KCNQ1OT1: variants seen among roughly 807,000 people sequenced by gnomAD.
The protein encoded by KCNQ1OT1 is KCNQ1 opposite strand/antisense transcript 1.
At chr11:2,689,464 CT>C (rs1850552721) in exon 1 of KCNQ1OT1, 1 of 398,586 alleles carries the variant, frequency 2.5e-6, no homozygotes, top group South Asian at 1.3e-4. Flanking sequence ...CCAGAGACCT[CT>C]GCTCTGCCTA....
Position 2,611,890 on chromosome 11 carries a change from G to A in KCNQ1OT1, n.88105C>T. ...TTCCCCCATTTTTAAAGTGTAATCT[G>A]GAGGTTACAATAAGCAGCTTAAGCA... On this transcript the variant is annotated non_coding_transcript_exon_variant, in exon 1 of 1. Coordinates refer to ENST00000597346, the Ensembl canonical transcript of KCNQ1OT1. The surrounding 1 kb of genome is among the most constrained non-coding windows in gnomAD (Gnocchi z 5.3). 2.5e-6 allele frequency: 1 copy of A among 398,414 alleles called. No homozygotes were observed. The highest frequency in any genetic ancestry group is 6.3e-4 in the Middle Eastern group (1 of 1,588). 24.7% of individuals were successfully genotyped at this position (398,414 alleles called of 1,614,324 possible).
rs2133847147 is a variant in KCNQ1OT1 at position 2,654,623 on chromosome 11, G to A, written n.45372C>T. ...TGGTTGGGTGAAGTTACTAGGAAGG[G>A]CCCAGACACTGGCGAGAGTCTCTTG... is the stretch of plus-strand genomic sequence containing the variant. On this transcript the variant is annotated non_coding_transcript_exon_variant, in exon 1 of 1. Transcript: ENST00000597346. The surrounding 1 kb of genome is among the most constrained non-coding windows in gnomAD (Gnocchi z 6.4). The A allele has an allele frequency of 2.5e-6, 1 of 398,790 alleles. No individual in the cohort carries two copies. Among genetic ancestry groups the A allele is most frequent in the Non-Finnish European group, 4.4e-6 (1 of 226,246 alleles). The allele number at this position is 398,790 out of a possible 1,614,324, so 24.7% of individuals were successfully genotyped here.
chr11:2,660,872 G>A (rs1010363241), exon 1 of KCNQ1OT1: 1 of 398,454 alleles, frequency 2.5e-6, no homozygotes, highest in Non-Finnish European at 4.4e-6. Context: ...GAATAAAGAT[G>A]AATATGGCAT....
At position 2,691,997 on chromosome 11, in the gene KCNQ1OT1, T is replaced by A. The variant is rs1350712588; in HGVS notation, n.7998A>T. ...CAAACCATTTCCCTAAGCTGTTCCC[T>A]CAGCACCAAGGGCTTCCAGACCACC... On this transcript the variant is annotated non_coding_transcript_exon_variant, in exon 1 of 1. Transcript: ENST00000597346. This position sits in a 1 kb window ranked among gnomAD's most constrained non-coding sequence, Gnocchi z 6.4. 1.0e-5 allele frequency: 4 copies of A among 398,494 alleles called. No homozygotes were observed. The highest frequency in any genetic ancestry group is 4.4e-6 in the Non-Finnish European group (1 of 226,086). 24.7% of individuals were successfully genotyped at this position (398,494 alleles called of 1,614,324 possible).
Position 2,676,718 on chromosome 11 carries a change from C to A in KCNQ1OT1, n.23277G>T. The A allele has an allele frequency of 2.5e-6, 1 of 398,664 alleles. No individual in the cohort carries two copies. The highest frequency in any genetic ancestry group is 1.3e-4 in the South Asian group (1 of 7,852). The allele number at this position is 398,664 out of a possible 1,614,324, so 24.7% of individuals were successfully genotyped here. A position where few individuals can be genotyped will look rare whatever the true frequency, so the allele number is the denominator to read the frequency against. On this transcript the variant is annotated non_coding_transcript_exon_variant, in exon 1 of 1. Coordinates refer to ENST00000597346, the Ensembl canonical transcript of KCNQ1OT1. The surrounding 1 kb of genome is among the most constrained non-coding windows in gnomAD (Gnocchi z 4.2). ...ACAGCCTGGCAGGAGATAACCAAGT[C>A]ATATGCATAGTGGCTTTGGGTACGA...
exon 1 of KCNQ1OT1, chr11:2,619,862 CTTTTAT>C: frequency 2.5e-6 from 1 of 397,984 alleles, no homozygotes; most frequent in Non-Finnish European, 4.4e-6. Flanking sequence ...GTTTTTTTAA[CTTTTAT>C]TTTTGATTTA....
Position 2,647,175 on chromosome 11 carries a change from T to A in KCNQ1OT1, n.52820A>T, listed in dbSNP as rs1437982371. The stretch of plus-strand genomic sequence containing the variant: ...ACATTATGTGATGAGCTTTTTTTTT[T>A]ATCATGAAGAGATTTTGAATTTTAT... On this transcript the variant is annotated non_coding_transcript_exon_variant, in exon 1 of 1. Transcript: ENST00000597346. This position sits in a 1 kb window ranked among gnomAD's most constrained non-coding sequence, Gnocchi z 4.0. The A allele has an allele frequency of 5.0e-6, 2 of 398,452 alleles. No homozygotes were observed. Among genetic ancestry groups the A allele is most frequent in the East Asian group, 3.6e-5 (1 of 28,042 alleles). The allele number at this position is 398,452 out of a possible 1,614,324, so 24.7% of individuals were successfully genotyped here. A position where few individuals can be genotyped will look rare whatever the true frequency, so the allele number is the denominator to read the frequency against.
exon 1 of KCNQ1OT1, chr11:2,619,576 A>G (rs570319714): frequency 2.5e-6 from 1 of 398,494 alleles, no homozygotes; most frequent in Non-Finnish European, 4.4e-6. Context: ...CCAATATTTT[A>G]TTAAGGATTT....
chr11:2,661,984 G>C lies in KCNQ1OT1; in HGVS notation n.38011C>G, dbSNP rs751430087. 1 of 1,614,196 alleles carries C rather than the reference G, an allele frequency of 6.2e-7. No homozygotes were observed. The highest frequency in any genetic ancestry group is 1.1e-5 in the South Asian group (1 of 91,080). ...AGTAAGGAAGAGCCCAACACTGCTG[G>C]AAGTGAGCATGCCCCATTTCATGAG... On this transcript the variant is annotated non_coding_transcript_exon_variant, in exon 1 of 1. Transcript: ENST00000597346. The surrounding 1 kb of genome is among the most constrained non-coding windows in gnomAD (Gnocchi z 5.9).
At position 2,678,164 on chromosome 11, in the gene KCNQ1OT1, T is replaced by C. The variant is rs1384182042; in HGVS notation, n.21831A>G. 3 of 398,238 alleles carry C rather than the reference T, an allele frequency of 7.5e-6. No individual in the cohort carries two copies. Among genetic ancestry groups the C allele is most frequent in the Non-Finnish European group, 1.3e-5 (3 of 225,962 alleles). The allele number at this position is 398,238 out of a possible 1,614,324, so 24.7% of individuals were successfully genotyped here. On this transcript the variant is annotated non_coding_transcript_exon_variant, in exon 1 of 1. Coordinates refer to ENST00000597346, the Ensembl canonical transcript of KCNQ1OT1. This position sits in a 1 kb window ranked among gnomAD's most constrained non-coding sequence, Gnocchi z 4.9. ...TCCTTAGGTGTTTTGGCTTTTTCTA[T>C]AATATTTTTCTGGTGGCAGAATTTT... is the stretch of plus-strand genomic sequence containing the variant.
rs1331392912 is a variant in KCNQ1OT1, at chr11:2,696,957, T to A, written n.3038A>T. ...GAAATCTGAAATCTCTCTTTAGTTG[T>A]TAAGTTCCTTAATTTTTTTTTTCCA... On this transcript the variant is annotated non_coding_transcript_exon_variant, in exon 1 of 1. Coordinates refer to ENST00000597346, the Ensembl canonical transcript of KCNQ1OT1. 1.3e-5 allele frequency: 5 copies of A among 398,494 alleles called. No individual in the cohort carries two copies. In the Admixed American group the frequency reaches 2.2e-4, roughly 18 times the overall value. 24.7% of individuals were successfully genotyped at this position (398,494 alleles called of 1,614,324 possible).
At position 2,675,805 on chromosome 11, in the gene KCNQ1OT1, C is replaced by T. The variant is rs769041136; in HGVS notation, n.24190G>A. On this transcript the variant is annotated non_coding_transcript_exon_variant, in exon 1 of 1. Transcript: ENST00000597346. Reference sequence around the variant, plus strand: ...TGCTGCCCGCAGGGCATACCAGCCACGTGCATGCAGGGCTGCACACTGCCC... The same window carrying T: ...TGCTGCCCGCAGGGCATACCAGCCATGTGCATGCAGGGCTGCACACTGCCC... 84 of 398,728 alleles carry T rather than the reference C, an allele frequency of 2.1e-4. No individual in the cohort carries two copies. In the East Asian group the frequency reaches 2.4e-3, roughly 11 times the overall value. The allele number at this position is 398,728 out of a possible 1,614,324, so 24.7% of individuals were successfully genotyped here. A position where few individuals can be genotyped will look rare whatever the true frequency, so the allele number is the denominator to read the frequency against.
At chr11:2,625,556 A>T (rs1390817999) in exon 1 of KCNQ1OT1, 6 of 391,730 alleles carry the variant, frequency 1.5e-5, no homozygotes, top group Admixed American at 4.7e-5. Context: ...CTTTGGAGAT[A>T]CGTCTGTCCA....
At position 2,673,263 on chromosome 11, in the gene KCNQ1OT1, C is replaced by A. The variant is rs1433011343; in HGVS notation, n.26732G>T. 1.8e-5 allele frequency: 7 copies of A among 398,570 alleles called. No homozygotes were observed. The East Asian group carries it at 2.1e-4, about 12-fold the overall frequency. The allele number at this position is 398,570 out of a possible 1,614,324, so 24.7% of individuals were successfully genotyped here. On this transcript the variant is annotated non_coding_transcript_exon_variant, in exon 1 of 1. Transcript: ENST00000597346. The surrounding 1 kb of genome is among the most constrained non-coding windows in gnomAD (Gnocchi z 4.5). ...GGACTGGGTGATGCAGACTGCAAAG[C>A]CTCAGCCACCTTCTCCCCTAGAAGA... is the stretch of plus-strand genomic sequence containing the variant.
chr11:2,684,041 C>T, exon 1 of KCNQ1OT1: 1 of 398,538 alleles, frequency 2.5e-6, no homozygotes, highest in Middle Eastern at 6.3e-4. Context: ...TCATCCTCCC[C>T]CTTTATCAAG....
At chr11:2,629,932 C>T (rs1309819504) in exon 1 of KCNQ1OT1, 2 of 398,210 alleles carry the variant, frequency 5.0e-6, no homozygotes, top group East Asian at 7.1e-5. Flanking sequence ...TTGCCCAATT[C>T]CTCTGGCTAG....
exon 1 of KCNQ1OT1, chr11:2,681,399 A>C (rs1850394351): frequency 5.0e-6 from 2 of 398,342 alleles, no homozygotes; most frequent in African/African-American, 2.1e-5. Context: ...GGGGTGACTA[A>C]AGGCAAAGAA....
chr11:2,680,206 TAAAAAAAAA>T (rs139249507), exon 1 of KCNQ1OT1: 15 of 362,348 alleles, frequency 4.1e-5, no homozygotes, highest in Non-Finnish European at 4.8e-6. Context: ...CTTGCCTAAT[TAAAAAAAAA>T]AAAAAAAAAA....
At position 2,687,651 on chromosome 11, in the gene KCNQ1OT1, C is replaced by G. The variant is rs1327873318; in HGVS notation, n.12344G>C. The stretch of plus-strand genomic sequence containing the variant: ...CTCAGGCCCCTGTAAAAATTGGGAC[C>G]TGTCCTTGCCAGCCAGGTCTCAGGG... On this transcript the variant is annotated non_coding_transcript_exon_variant, in exon 1 of 1. Transcript: ENST00000597346. The surrounding 1 kb of genome is among the most constrained non-coding windows in gnomAD (Gnocchi z 5.0). The G allele has an allele frequency of 3.3e-5, 13 of 398,562 alleles. No individual in the cohort carries two copies. In the South Asian group the frequency reaches 1.5e-3, roughly 47 times the overall value. 24.7% of individuals were successfully genotyped at this position (398,562 alleles called of 1,614,324 possible).
Sources: gnomAD v4.1 joint callset for allele counts on GRCh38, gnomAD v4.1.1 for gene constraint, Gnocchi (gnomAD v3.1) non-coding constraint, MANE v1.5 for transcripts, NCBI Gene and HGNC (gene_info 2026-07-23, HGNC 2026-07-21) for gene names.